Variants in PARD3 observed in about 807,000 individuals in gnomAD.
PARD3 encodes partitioning defective 3 homolog.
PARD3 carries 75 observed loss-of-function variants against 155.4 expected under a neutral mutation model. The ratio of observed to expected loss-of-function variants is 0.48; its 90% CI spans 0.40 to 0.58. The LOEUF (loss-of-function observed/expected upper bound fraction) is 0.58. Ranked by LOEUF, PARD3 falls within the 20% of genes least tolerant of loss-of-function variation. PARD3 has a pLI of 0.00. For synonymous variants in PARD3, 576 were observed against 610.5 expected, an observed-to-expected ratio of 0.94 and a Z score of 0.83; for missense variants, 1,642 against 1,721.7, an observed-to-expected ratio of 0.95 and a Z score of 0.82.
chr10:34,253,031 G>A (rs186969558), intron 22 of PARD3, among the ~76,000 whole-genome samples: 3 of 152,162 alleles, frequency 2.0e-5, no homozygotes. Context: ...ATAAAAGCTG[G>A]AAATCTTATT....
At chr10:34,342,850 A>G (rs868242123) in intron 15 of PARD3, among the ~76,000 whole-genome samples, 60 of 152,208 alleles carry the variant, frequency 3.9e-4, no homozygotes, top group African/African-American at 1.4e-3. Flanking sequence ...TAATACTGTA[A>G]GTTCACTGAA....
chr10:34,559,998 T>G (rs995522583), intron 2 of PARD3, among the ~76,000 whole-genome samples: 3 of 152,166 alleles, frequency 2.0e-5, no homozygotes, highest in Non-Finnish European at 4.4e-5. Flanking sequence ...ATTTTAAAAG[T>G]TTGAATTGAA....
At chr10:34,519,508 ACTT>A (rs2081995116) in intron 2 of PARD3, among the ~76,000 whole-genome samples, 1 of 152,092 alleles carries the variant, frequency 6.6e-6, no homozygotes, top group African/African-American at 2.4e-5. Flanking sequence ...ATGCTAATAT[ACTT>A]CTTATAAATC....
At position 34,516,441 on chromosome 10, in the gene PARD3, A is replaced by G. The variant is rs566005803; in HGVS notation, c.403+538T>C. Among the ~76,000 whole-genome samples the G allele has an allele frequency of 1.2e-4, 19 of 152,298 alleles. No individual in the cohort carries two copies. The South Asian group carries it at 3.7e-3, about 30-fold the overall frequency. On this transcript the variant is annotated intron_variant, in intron 3 of 24. Transcript: ENST00000374788. ...CAGGCAAGTATCCCAGATCTGGAAT[A>G]CCCAGGGTCCTAGGATTCCTCATAT...
At chr10:34,300,680 T>C (rs1041787927) in intron 20 of PARD3, among the ~76,000 whole-genome samples, 2 of 152,010 alleles carry the variant, frequency 1.3e-5, no homozygotes, top group African/African-American at 4.8e-5. Context: ...AAGCTTGGAC[T>C]TTGACAAAAC....
chr10:34,802,353 A>T (rs1231941726), intron 1 of PARD3, among the ~76,000 whole-genome samples: 2 of 152,244 alleles, frequency 1.3e-5, no homozygotes, highest in African/African-American at 4.8e-5. Context: ...AACAAGAATC[A>T]AGCTGATTTT....
At chr10:34,599,548 C>G (rs1414629266) in intron 2 of PARD3, among the ~76,000 whole-genome samples, 2 of 152,158 alleles carry the variant, frequency 1.3e-5, no homozygotes, top group African/African-American at 4.8e-5. Context: ...TTGTTATCTT[C>G]AAGTATTTGA....
intron 2 of PARD3, among the ~76,000 whole-genome samples, chr10:34,585,202 G>A (rs180739690): frequency 4.4e-4 from 67 of 152,076 alleles, no homozygotes; most frequent in African/African-American, 5.8e-4. Context: ...TATCCAATTC[G>A]GTTAGTTTGG....
intron 2 of PARD3, among the ~76,000 whole-genome samples, chr10:34,611,218 G>A (rs1054263994): frequency 5.3e-5 from 8 of 152,136 alleles, no homozygotes; most frequent in Non-Finnish European, 1.0e-4. Flanking sequence ...GTGATGGCTG[G>A]TAAAATTAAT....
intron 1 of PARD3, among the ~76,000 whole-genome samples, chr10:34,756,544 C>T (rs1292599707): frequency 5.5e-5 from 8 of 144,500 alleles, no homozygotes; most frequent in African/African-American, 1.8e-4. Context: ...TAGTCCTGAA[C>T]GCCTGAGCTC....
chr10:34,348,758 C>T (rs1286965079), intron 14 of PARD3, among the ~76,000 whole-genome samples: 2 of 152,050 alleles, frequency 1.3e-5, no homozygotes, highest in Non-Finnish European at 2.9e-5. Context: ...CAGTAGTGTA[C>T]AGAACAATAT....
intron 1 of PARD3, among the ~76,000 whole-genome samples, chr10:34,710,059 T>TA (rs2094428745): frequency 6.6e-6 from 1 of 152,136 alleles, no homozygotes; most frequent in South Asian, 2.1e-4. Context: ...AAATGAAATA[T>TA]ACCCATTGAT....
chr10:34,753,532 T>C (rs7079424), intron 1 of PARD3, among the ~76,000 whole-genome samples: 145,946 of 152,352 alleles, frequency 0.96, 69,926 homozygotes, highest in East Asian at 0.99. Flanking sequence ...GTAGCTCATG[T>C]TCTGGTGAAT....
At chr10:34,265,335 C>A in intron 22 of PARD3, among the ~76,000 whole-genome samples, 1 of 152,182 alleles carries the variant, frequency 6.6e-6, no homozygotes, top group Non-Finnish European at 1.5e-5. Flanking sequence ...ATGCCAAATT[C>A]ACCACATTTA....
intron 19 of PARD3, among the ~76,000 whole-genome samples, chr10:34,320,860 T>C (rs1300041617): frequency 6.6e-6 from 1 of 152,214 alleles, no homozygotes; most frequent in Non-Finnish European, 1.5e-5. Flanking sequence ...TAATACATTA[T>C]CACAGAAACT....
rs960333397 is a variant in PARD3, at chr10:34,814,822, C to T, written c.120+54G>A. 20 of 1,302,358 alleles carry T rather than the reference C, an allele frequency of 1.5e-5. No individual in the cohort carries two copies. The African/African-American group carries it at 2.8e-4, about 18-fold the overall frequency. 80.7% of individuals were successfully genotyped at this position (1,302,358 alleles called of 1,614,324 possible). On this transcript the variant is annotated intron_variant, in intron 1 of 24. Coordinates refer to ENST00000374788, the MANE Select transcript of PARD3 (RefSeq NM_001184785.2). Reference sequence around the variant, plus strand: ...CCCTTCCAGGAAGCGCCATATTGATCCCGGCGCCGTCCCCGCCGCCGCCCC... The same window carrying T: ...CCCTTCCAGGAAGCGCCATATTGATTCCGGCGCCGTCCCCGCCGCCGCCCC...
rs1450279467 is a variant in PARD3, at chr10:34,475,849, T to G, written c.404-5586A>C. ...ATTTTTTGCCTTACAGTGACAGGCT[T>G]GTGTCACTCATTTTTAATAAACTCT... On this transcript the variant is annotated intron_variant, in intron 3 of 24. Transcript: ENST00000374788. Among the ~76,000 whole-genome samples the G allele has an allele frequency of 3.3e-5, 5 of 152,148 alleles. No individual in the cohort carries two copies. In the South Asian group the frequency reaches 1.0e-3, roughly 32 times the overall value.
chr10:34,359,111 C>T (rs754676167), intron 14 of PARD3, 36 bp downstream of exon 14: 3 of 1,556,774 alleles, frequency 1.9e-6, no homozygotes, highest in Admixed American at 1.7e-5. Flanking sequence ...AGTTTATTTA[C>T]AATTTTAGAT....
chr10:34,417,024 C>A (rs952366227), intron 5 of PARD3, among the ~76,000 whole-genome samples: 37 of 152,314 alleles, frequency 2.4e-4, no homozygotes, highest in African/African-American at 8.4e-4. Context: ...TCAACAGATC[C>A]TGTGGTCCCA....
Sources: allele counts gnomAD v4.1 joint callset (sites outside exome capture counted in the v4.1 genomes callset), GRCh38; gene constraint gnomAD v4.1.1; transcripts MANE v1.5; gene names NCBI Gene and HGNC (gene_info 2026-07-23, HGNC 2026-07-21).